Variants in HSD17B12 observed in about 807,000 individuals in gnomAD.
HSD17B12 encodes the protein hydroxysteroid 17-beta dehydrogenase 12, also known as very-long-chain 3-oxoacyl-CoA reductase.
In HSD17B12, 32 loss-of-function variants were observed where a neutral mutation model predicts 39.3. The observed-to-expected ratio is 0.81, with a 90% CI of 0.61 to 1.09. HSD17B12 has a LOEUF of 1.09. Ranked by LOEUF, HSD17B12 falls within the 50% of genes least tolerant of loss-of-function variation. HSD17B12 has a pLI of 0.00. For missense variants in HSD17B12, 342 were observed against 382.9 expected, an observed-to-expected ratio of 0.89 and a Z score of 0.89; for synonymous variants, 150 against 146.7, an observed-to-expected ratio of 1.02 and a Z score of -0.16.
intron 3 of HSD17B12, among the ~76,000 whole-genome samples, chr11:43,796,071 A>T (rs1474948506): frequency 2.6e-5 from 4 of 152,166 alleles, no homozygotes; most frequent in Non-Finnish European, 5.9e-5. Flanking sequence ...AACATTCTGT[A>T]TCTAAACAAC....
At chr11:43,778,993 A>G (rs180980181) in intron 3 of HSD17B12, among the ~76,000 whole-genome samples, 3 of 152,336 alleles carry the variant, frequency 2.0e-5, no homozygotes, top group Non-Finnish European at 2.9e-5. Flanking sequence ...TTTTTGTGGT[A>G]TTGTAGAAAG....
At chr11:43,721,280 C>G (rs11037579) in intron 1 of HSD17B12, among the ~76,000 whole-genome samples, 1 of 151,826 alleles carries the variant, frequency 6.6e-6, no homozygotes, top group Non-Finnish European at 1.5e-5. Context: ...GAAGACATGA[C>G]GTTGAGTGGC....
chr11:43,643,559 T>C, the HSD17B12 span, among the ~76,000 whole-genome samples: 1 of 152,042 alleles, frequency 6.6e-6, no homozygotes, highest in Non-Finnish European at 1.5e-5. Context: ...ATCAAGAGAG[T>C]GAAAGGGAAA....
chr11:43,810,612 G>A (rs1321819171), intron 4 of HSD17B12, among the ~76,000 whole-genome samples: 3 of 151,788 alleles, frequency 2.0e-5, no homozygotes, highest in Non-Finnish European at 4.4e-5. Flanking sequence ...ATTATTCTTG[G>A]TCTGTTTTCA....
intron 1 of HSD17B12, chr11:43,734,267 C>T: frequency 1.5e-6 from 2 of 1,307,340 alleles, no homozygotes; most frequent in Non-Finnish European, 2.2e-6. Flanking sequence ...CTTGACACAT[C>T]TGACTTTCAG....
At chr11:43,563,495 G>A in the HSD17B12 span, among the ~76,000 whole-genome samples, 25 of 152,274 alleles carry the variant, frequency 1.6e-4, 1 homozygote, top group Admixed American at 2.0e-4. Context: ...AGTACCAGTC[G>A]TGAAAGAACA....
Position 43,750,929 on chromosome 11 carries a change from A to G in HSD17B12, c.179A>G (p.Asp60Gly), listed in dbSNP as rs769026337. ...TTCCCAGTTGTCACAGGTAGTACTG[A>G]TGGAATTGGAAAATCATATGCAGAA... ...GEWAVVTGST[D>G]GIGKSYAEEL... Residue 60 changes from aspartate (D) to glycine (G), a missense_variant, in exon 2 of 11, where the codon GAT becomes GGT. Transcript: ENST00000278353. 6.2e-6 allele frequency: 10 copies of G among 1,603,186 alleles called. No individual in the cohort carries two copies. Among genetic ancestry groups the G allele is most frequent in the Non-Finnish European group, 8.5e-6 (10 of 1,173,316 alleles).
chr11:43,845,928 A>T (rs1423127380), intron 9 of HSD17B12, among the ~76,000 whole-genome samples: 7 of 152,202 alleles, frequency 4.6e-5, no homozygotes, highest in Admixed American at 4.6e-4. Flanking sequence ...ATGCTAAAGA[A>T]TTCCTGAAGC....
Position 43,784,030 on chromosome 11 carries a change from C to T in HSD17B12, c.284-14290C>T, listed in dbSNP as rs915879558. ...GCCACAGACAAAACTCCTCAGACAC[C>T]GGATTAAAGAAGGAAGAGGATTTAT... On this transcript the variant is annotated intron_variant, in intron 3 of 10. Transcript: ENST00000278353. 8.5e-5 allele frequency among the ~76,000 whole-genome samples: 13 copies of T among 152,062 alleles called. 1 individual carries two copies. Among genetic ancestry groups the T allele is most frequent in the Admixed American group, 2.6e-4 (4 of 15,258 alleles).
At chr11:43,616,083 C>T in the HSD17B12 span, among the ~76,000 whole-genome samples, 1 of 152,094 alleles carries the variant, frequency 6.6e-6, no homozygotes, top group African/African-American at 2.4e-5. Context: ...AGAAGGCAAA[C>T]GGGAAAGGTC....
At chr11:43,626,163 T>C in the HSD17B12 span, among the ~76,000 whole-genome samples, 9 of 151,636 alleles carry the variant, frequency 5.9e-5, no homozygotes, top group Non-Finnish European at 1.0e-4. Context: ...TGTAAGACAA[T>C]TGGAAATTAT....
the HSD17B12 span, among the ~76,000 whole-genome samples, chr11:43,568,950 G>A: frequency 2.8e-3 from 426 of 152,228 alleles, 2 homozygotes; most frequent in African/African-American, 9.8e-3. Flanking sequence ...TATTACTGTT[G>A]GTCTCTCACC....
chr11:43,573,972 C>T, the HSD17B12 span, among the ~76,000 whole-genome samples: 2 of 152,192 alleles, frequency 1.3e-5, no homozygotes, highest in African/African-American at 4.8e-5. Flanking sequence ...GGGCCGCCTC[C>T]CTCTCATTGA....
At chr11:43,737,788 G>C (rs1269861642) in intron 1 of HSD17B12, among the ~76,000 whole-genome samples, 1 of 152,100 alleles carries the variant, frequency 6.6e-6, no homozygotes, top group Admixed American at 6.5e-5. Context: ...ATAGTGAACT[G>C]TCCGGCCAGG....
chr11:43,582,650 G>A, the HSD17B12 span, among the ~76,000 whole-genome samples: 1 of 152,130 alleles, frequency 6.6e-6, no homozygotes, highest in Non-Finnish European at 1.5e-5. Context: ...CACAACCACC[G>A]TTCTTCCAAC....
intron 6 of HSD17B12, among the ~76,000 whole-genome samples, chr11:43,824,377 C>A (rs1951211921): frequency 6.6e-6 from 1 of 152,140 alleles, no homozygotes; most frequent in South Asian, 2.1e-4. Context: ...TGTCTTAGTC[C>A]CTCTGGGCTG....
Position 43,759,955 on chromosome 11 carries a change from G to A in HSD17B12, c.283+5834G>A, listed in dbSNP as rs191959003. ...CTGTCATTCAGCCTGGAGTTCAATG[G>A]CACGATCTTGGCTCACTGCAACCTA... On this transcript the variant is annotated intron_variant, in intron 3 of 10. Coordinates refer to ENST00000278353, the MANE Select transcript of HSD17B12 (RefSeq NM_016142.3). Among the ~76,000 whole-genome samples, 30 of 151,908 alleles carry A rather than the reference G, an allele frequency of 2.0e-4. No homozygotes were observed. The East Asian group carries it at 5.6e-3, about 29-fold the overall frequency.
intron 3 of HSD17B12, among the ~76,000 whole-genome samples, chr11:43,757,603 G>A (rs535496192): frequency 3.4e-4 from 38 of 112,528 alleles, no homozygotes; most frequent in African/African-American, 1.2e-3. Context: ...ACTGCAGTCC[G>A]CAGTCCGGCC....
chr11:43,798,404 C>T lies in HSD17B12; in HGVS notation c.368C>T (p.Ala123Val), dbSNP rs757699057. The change falls in exon 4 of 11, where the codon GCT becomes GTT. Residue 123 changes from alanine (A) to valine (V), a missense_variant. By Grantham distance (64) the Ala-to-Val change is moderately conservative. Coordinates refer to ENST00000278353, the MANE Select transcript of HSD17B12 (RefSeq NM_016142.3). Reference sequence around the variant, plus strand: ...TATGATAAAATTAAAACAGGCTTGGCTGGTCTTGAAATCGGCATCTTAGGT... The same window carrying T: ...TATGATAAAATTAAAACAGGCTTGGTTGGTCTTGAAATCGGCATCTTAGGT... ...DIYDKIKTGLAGLEIGILVNN... is the reference protein window; with the variant it reads ...DIYDKIKTGLVGLEIGILVNN... The T allele has an allele frequency of 5.6e-6, 9 of 1,610,470 alleles. No individual in the cohort carries two copies. The South Asian group carries it at 9.9e-5, about 18-fold the overall frequency.
Sources: allele counts gnomAD v4.1 joint callset (sites outside exome capture counted in the v4.1 genomes callset), GRCh38; gene constraint gnomAD v4.1.1; transcripts MANE v1.5; gene names NCBI Gene and HGNC (gene_info 2026-07-23, HGNC 2026-07-21).